Variants in DOCK5 observed in about 807,000 individuals in gnomAD.
DOCK5 encodes dedicator of cytokinesis protein 5.
Under a neutral mutation model 251.8 loss-of-function variants are expected in DOCK5, and 142 were observed. The ratio of observed to expected loss-of-function variants is 0.56; its 90% CI spans 0.49 to 0.65. DOCK5 has a LOEUF of 0.65. Ranked by LOEUF, DOCK5 falls within the 30% of genes least tolerant of loss-of-function variation. The probability of loss-of-function intolerance (pLI) is 0.00; values close to 1 mark genes in which losing one functional copy is unlikely to be tolerated. For missense variants in DOCK5, 2,111 were observed against 2,312.3 expected, an observed-to-expected ratio of 0.91 and a Z score of 1.79; for synonymous variants, 842 against 835.5, an observed-to-expected ratio of 1.01 and a Z score of -0.13.
intron 7 of DOCK5, 84 bp downstream of exon 7, chr8:25,296,732 G>A: frequency 6.5e-7 from 1 of 1,534,336 alleles, no homozygotes; most frequent in Non-Finnish European, 8.8e-7. Flanking sequence ...AAATCATTGA[G>A]AACAAAACTA....
At chr8:25,216,183 A>G (rs1393261153) in intron 1 of DOCK5, among the ~76,000 whole-genome samples, 2 of 96,438 alleles carry the variant, frequency 2.1e-5, no homozygotes, top group Non-Finnish European at 4.3e-5. Flanking sequence ...TGTGCATACA[A>G]TATGTATATA....
chr8:25,377,260 G>A (rs1563221841), intron 37 of DOCK5, 45 bp from the exon 38 acceptor site: 21 of 1,563,486 alleles, frequency 1.3e-5, no homozygotes, highest in Non-Finnish European at 1.8e-5. Context: ...TTGGGGGGCT[G>A]AATATTTGTT....
chr8:25,285,081 GAGAT>G (rs1445814189), intron 5 of DOCK5, among the ~76,000 whole-genome samples: 1 of 152,204 alleles, frequency 6.6e-6, no homozygotes, highest in Non-Finnish European at 1.5e-5. Context: ...TTATGGAAAA[GAGAT>G]AGAAGATCTT....
intron 22 of DOCK5, among the ~76,000 whole-genome samples, chr8:25,339,613 G>C (rs1255652400): frequency 2.0e-5 from 3 of 152,192 alleles, no homozygotes; most frequent in Non-Finnish European, 4.4e-5. Context: ...AGAGATGTCA[G>C]GTAAGGGTTA....
chr8:25,409,215 A>C (rs190486019), intron 50 of DOCK5, among the ~76,000 whole-genome samples: 1 of 152,256 alleles, frequency 6.6e-6, no homozygotes, highest in Non-Finnish European at 1.5e-5. Flanking sequence ...GACTAGACAG[A>C]TAACAAGTAA....
chr8:25,368,078 G>T, intron 31 of DOCK5, 114 bp from the exon 32 acceptor site: 2 of 765,154 alleles, frequency 2.6e-6, no homozygotes, highest in Non-Finnish European at 4.3e-6. Context: ...TCTTAAGGTT[G>T]GGCCTTAAGA....
intron 11 of DOCK5, among the ~76,000 whole-genome samples, chr8:25,305,890 G>A (rs1404769299): frequency 2.6e-5 from 4 of 152,078 alleles, no homozygotes; most frequent in African/African-American, 7.2e-5. Context: ...AACTCTTGGT[G>A]ATTTTGCTCC....
rs138527041 is a variant in DOCK5, at chr8:25,324,198, C to T, written c.1719+247C>T. On this transcript the variant is annotated intron_variant, in intron 17 of 51. Coordinates refer to ENST00000276440, the MANE Select transcript of DOCK5 (RefSeq NM_024940.8). The stretch of plus-strand genomic sequence containing the variant: ...GGCTCTCACCTCCTTAGACCTCTCA[C>T]GGGAGAGGTCCTGTGAATGGTGTTC... Among the ~76,000 whole-genome samples, 585 of 152,204 alleles carry T rather than the reference C, an allele frequency of 3.8e-3. 2 individuals are homozygous for T. Among genetic ancestry groups the T allele is most frequent in the African/African-American group, 0.013 (554 of 41,544 alleles).
At chr8:25,313,878 A>T (rs2117187795) in intron 13 of DOCK5, among the ~76,000 whole-genome samples, 1 of 152,288 alleles carries the variant, frequency 6.6e-6, no homozygotes, top group East Asian at 1.9e-4. Context: ...AAATACAGTC[A>T]TATTCTGCGT....
chr8:25,205,304 A>G (rs1250720241), intron 1 of DOCK5, among the ~76,000 whole-genome samples: 1 of 151,796 alleles, frequency 6.6e-6, no homozygotes, highest in Admixed American at 6.6e-5. Context: ...TCTCTATGCT[A>G]TGTGAGGATA....
chr8:25,340,172 T>A (rs575651766), intron 22 of DOCK5, among the ~76,000 whole-genome samples: 1 of 152,344 alleles, frequency 6.6e-6, no homozygotes, highest in Admixed American at 6.5e-5. Context: ...AATTTTGAGA[T>A]ACTTTGGGGA....
chr8:25,255,342 A>G (rs1216266668), intron 2 of DOCK5, among the ~76,000 whole-genome samples: 1 of 152,256 alleles, frequency 6.6e-6, no homozygotes, highest in East Asian at 1.9e-4. Context: ...ACACAGTGTT[A>G]CATCCAGACA....
chr8:25,199,370 C>A lies in DOCK5; in HGVS notation c.43+14419C>A, dbSNP rs58389249. Among the ~76,000 whole-genome samples the A allele has an allele frequency of 8.8e-3, 1,282 of 145,058 alleles. 18 individuals carry two copies. Among genetic ancestry groups the A allele is most frequent in the African/African-American group, 0.031 (1,202 of 39,316 alleles). ...GCGCCTTCTCCCTCAGCTTCCATTT[C>A]CGCTCTGTTCTTTTTTTTTTTTTTT... On this transcript the variant is annotated intron_variant, in intron 1 of 51. Coordinates refer to ENST00000276440, the MANE Select transcript of DOCK5 (RefSeq NM_024940.8).
intron 3 of DOCK5, chr8:25,270,680 G>A: frequency 2.2e-6 from 1 of 463,996 alleles, no homozygotes. Context: ...CCTAGATCAG[G>A]TCTTCTTTTT....
At chr8:25,292,813 A>T (rs1332973982) in intron 6 of DOCK5, among the ~76,000 whole-genome samples, 1 of 152,178 alleles carries the variant, frequency 6.6e-6, no homozygotes, top group African/African-American at 2.4e-5. Flanking sequence ...TTGGGACTGT[A>T]TCTATTTTTA....
At position 25,408,937 on chromosome 8, in the gene DOCK5, C is replaced by A. The variant is rs1801570419; in HGVS notation, c.5401C>A (p.Leu1801Ile). 1 of 1,613,960 alleles carries A rather than the reference C, an allele frequency of 6.2e-7. No individual in the cohort carries two copies. Among genetic ancestry groups the A allele is most frequent in the Non-Finnish European group, 8.5e-7 (1 of 1,179,874 alleles). The part of the protein sequence containing the change: ...PPLTPKATRT[L>I]SSPSLQTDGI... ...ACTCACTCCCAAAGCCACCAGGACCCTAAGTAAGTTTTCCTGTATTCCTTA... is the reference window on the plus strand; with the variant it reads ...ACTCACTCCCAAAGCCACCAGGACCATAAGTAAGTTTTCCTGTATTCCTTA... Residue 1801 changes from leucine (L) to isoleucine (I), a missense_variant, in exon 50 of 52, where the codon CTA (leucine) becomes ATA (isoleucine). Around this residue, in one of 3 missense-constraint regions of DOCK5, gnomAD observed 1,717 missense variants for 1,892.4 expected, o/e 0.91. Coordinates refer to ENST00000276440, the MANE Select transcript of DOCK5 (RefSeq NM_024940.8).
intron 1 of DOCK5, among the ~76,000 whole-genome samples, chr8:25,190,331 CA>C (rs1202703020): frequency 4.6e-5 from 7 of 152,196 alleles, no homozygotes; most frequent in Non-Finnish European, 1.0e-4. Flanking sequence ...CGTGATACTG[CA>C]GTATATGTAC....
intron 5 of DOCK5, among the ~76,000 whole-genome samples, chr8:25,285,796 A>G (rs1804317428): frequency 6.6e-6 from 1 of 152,192 alleles, no homozygotes; most frequent in South Asian, 2.1e-4. Flanking sequence ...GAAAATTCCC[A>G]TAGCAAACTT....
intron 16 of DOCK5, among the ~76,000 whole-genome samples, chr8:25,322,103 A>C (rs1201760697): frequency 6.6e-6 from 1 of 152,202 alleles, no homozygotes; most frequent in African/African-American, 2.4e-5. Flanking sequence ...GCACTGCATA[A>C]AAATGTAACC....
Sources: gnomAD v4.1 joint callset for allele counts (sites outside exome capture counted in the v4.1 genomes callset) on GRCh38, gnomAD v4.1.1 for gene constraint, gnomAD v4.1.1 regional missense constraint, MANE v1.5 for transcripts, NCBI Gene and HGNC (gene_info 2026-07-23, HGNC 2026-07-21) for gene names.